The following RGMA variants were observed in gnomAD, a reference collection of about 807,000 sequenced individuals.
RGMA encodes the protein repulsive guidance molecule A.
RGMA carries 10 observed loss-of-function variants against 23.2 expected under a neutral mutation model. The ratio of observed to expected loss-of-function variants is 0.43; its 90% CI spans 0.27 to 0.73. The LOEUF is 0.73. RGMA is among the 30% of genes least tolerant of loss of function. RGMA has a pLI of 0.20. For missense variants in RGMA, 547 were observed against 630.5 expected (o/e 0.87, Z 1.42); for synonymous variants, 308 against 279.3 (o/e 1.10, Z -1.03).
chr15:93,071,891 A>C (rs1567193007), intron 2 of RGMA, among the ~76,000 whole-genome samples: 1 of 152,236 alleles, frequency 6.6e-6, no homozygotes, highest in Admixed American at 6.5e-5. Context: ...AACCCCGCAA[A>C]CACAATGGAA....
At chr15:93,067,308 C>A (rs553020602) in intron 2 of RGMA, among the ~76,000 whole-genome samples, 1 of 152,010 alleles carries the variant, frequency 6.6e-6, no homozygotes, top group Non-Finnish European at 1.5e-5. Flanking sequence ...GTGGTCTTTG[C>A]CCATTGAGCA....
intron 1 of RGMA, among the ~76,000 whole-genome samples, chr15:93,085,409 C>T (rs1895621108): frequency 6.6e-6 from 1 of 152,198 alleles, no homozygotes; most frequent in Non-Finnish European, 1.5e-5. Context: ...GTCTTTAAAC[C>T]TTCTGCCTAA....
At chr15:93,075,367 C>T (rs11074136) in intron 1 of RGMA, among the ~76,000 whole-genome samples, 67,995 of 151,868 alleles carry the variant, frequency 0.45, 16,192 homozygotes, top group African/African-American at 0.61. Context: ...GGTGTATGCA[C>T]TGATTCCTTT....
At position 93,038,756 on chromosome 15, in the gene RGMA, A is replaced by G. The variant is rs1336357745; in HGVS notation, c.*6242T>C. On this transcript the variant is annotated 3_prime_UTR_variant, in exon 4 of 4. Coordinates refer to ENST00000329082, the MANE Select transcript of RGMA (RefSeq NM_020211.3). ...CGCCTGGCTAATTTTTTGTATTTTT[A>G]GTAGAGATGGGGTTTCACCGTGTTA... 2 of 151,596 alleles carry G rather than the reference A, an allele frequency of 1.3e-5. No homozygotes were observed. Among genetic ancestry groups the G allele is most frequent in the African/African-American group, 2.4e-5 (1 of 41,288 alleles). The allele number at this position is 151,596 out of a possible 1,614,324, so 9.4% of individuals were successfully genotyped here.
At chr15:93,047,376 G>A (rs1172442489) in intron 3 of RGMA, among the ~76,000 whole-genome samples, 4 of 152,166 alleles carry the variant, frequency 2.6e-5, no homozygotes, top group African/African-American at 9.7e-5. Flanking sequence ...GGTCCCCCTG[G>A]ACCAAGGGCA....
chr15:93,066,377 C>A, intron 2 of RGMA: 1 of 721,180 alleles, frequency 1.4e-6, no homozygotes, highest in Non-Finnish European at 2.6e-6. Flanking sequence ...CCAGCTTGTT[C>A]GCGTGACTCC....
At chr15:93,088,237 G>A in intron 1 of RGMA, 3 of 440,288 alleles carry the variant, frequency 6.8e-6, no homozygotes, top group Non-Finnish European at 9.0e-6. Flanking sequence ...CCCCACACCC[G>A]CCCTCCCATT....
chr15:93,074,010 T>A, intron 1 of RGMA: 2 of 1,381,170 alleles, frequency 1.4e-6, no homozygotes, highest in East Asian at 5.7e-5. Flanking sequence ...ACTCTGTCGC[T>A]TATTTTTCTG....
intron 1 of RGMA, among the ~76,000 whole-genome samples, chr15:93,081,135 C>T (rs1306140832): frequency 1.3e-5 from 2 of 152,192 alleles, no homozygotes; most frequent in Non-Finnish European, 2.9e-5. Context: ...TGTGGCACCA[C>T]GCCCTGTCCT....
rs2054737581 is a variant in RGMA, at chr15:93,042,523, C to T, written c.*2475G>A. On this transcript the variant is annotated 3_prime_UTR_variant, in exon 4 of 4. Coordinates refer to ENST00000329082, the MANE Select transcript of RGMA (RefSeq NM_020211.3). ...GTGAAGTGACTTGCCCATGGTCACA[C>T]TGCTGGGGAGGTGGAGAAGCCAGGA... 1 of 153,124 alleles carries T rather than the reference C, an allele frequency of 6.5e-6. No homozygotes were observed. The highest frequency in any genetic ancestry group is 2.4e-5 in the African/African-American group (1 of 41,480). The allele number at this position is 153,124 out of a possible 1,614,324, so 9.5% of individuals were successfully genotyped here.
At chr15:93,087,629 C>A (rs879243727) in intron 1 of RGMA, among the ~76,000 whole-genome samples, 7 of 152,246 alleles carry the variant, frequency 4.6e-5, no homozygotes, top group Admixed American at 4.6e-4. Flanking sequence ...AGAAATCACC[C>A]GTTTGTGATG....
At chr15:93,088,624 C>A in intron 1 of RGMA, 1 of 1,033,326 alleles carries the variant, frequency 9.7e-7, no homozygotes, top group Non-Finnish European at 1.2e-6. Context: ...GGAAGGAGCT[C>A]CCAGCCCGCA....
At chr15:93,075,721 C>T (rs945604504) in intron 1 of RGMA, among the ~76,000 whole-genome samples, 9 of 152,214 alleles carry the variant, frequency 5.9e-5, no homozygotes, top group African/African-American at 2.2e-4. Flanking sequence ...ATGGGAGTTC[C>T]AGTGTCCCTG....
intron 2 of RGMA, chr15:93,065,646 C>T (rs1466454483): frequency 1.4e-5 from 13 of 954,056 alleles, no homozygotes; most frequent in South Asian, 3.8e-5. Context: ...TCAGGGGCTG[C>T]GGGCTGCCGG....
chr15:93,049,153 C>T (rs567000425), intron 3 of RGMA, among the ~76,000 whole-genome samples: 8 of 152,286 alleles, frequency 5.3e-5, no homozygotes, highest in East Asian at 1.9e-4. Flanking sequence ...GCTGCTCCCC[C>T]TTCTGAAGGG....
intron 2 of RGMA, among the ~76,000 whole-genome samples, chr15:93,061,013 T>A (rs1163626860): frequency 6.6e-6 from 1 of 152,218 alleles, no homozygotes; most frequent in Non-Finnish European, 1.5e-5. Context: ...ACTGTCAGTG[T>A]CACCCATCTG....
intron 1 of RGMA, among the ~76,000 whole-genome samples, chr15:93,076,538 A>G (rs986424645): frequency 6.6e-6 from 1 of 152,196 alleles, no homozygotes; most frequent in Non-Finnish European, 1.5e-5. Context: ...GTAGAAACAG[A>G]TAATAGAGAA....
At chr15:93,071,940 T>C (rs1343453621) in intron 2 of RGMA, among the ~76,000 whole-genome samples, 2 of 152,238 alleles carry the variant, frequency 1.3e-5, no homozygotes, top group African/African-American at 4.8e-5. Context: ...GGGGGCCATT[T>C]GGCCCGTGAC....
At chr15:93,065,565 G>T (rs1229468589) in intron 2 of RGMA, 3 of 719,948 alleles carry the variant, frequency 4.2e-6, no homozygotes, top group African/African-American at 3.5e-5. Context: ...GGCAGCTCTG[G>T]GTGTCCTTTG....
Sources: gnomAD v4.1 joint callset for allele counts (sites outside exome capture counted in the v4.1 genomes callset) on GRCh38, gnomAD v4.1.1 for gene constraint, MANE v1.5 for transcripts, NCBI Gene and HGNC (gene_info 2026-07-23, HGNC 2026-07-21) for gene names.